AMMECR1: variants seen among roughly 807,000 people sequenced by gnomAD.
AMMECR1 encodes the protein nuclear protein AMMECR1.
AMMECR1 carries 3 observed loss-of-function variants against 22.5 expected under a neutral mutation model. The ratio of observed to expected loss-of-function variants is 0.13; its 90% CI spans 0.06 to 0.35. The LOEUF is 0.35. AMMECR1 is among the 10% of genes least tolerant of loss of function. The pLI, the probability that AMMECR1 is intolerant of heterozygous loss-of-function variation, is 1.00. For synonymous variants in AMMECR1, 130 were observed against 116.7 expected, an observed-to-expected ratio of 1.11 and a Z score of -0.74; for missense variants, 235 against 278.7, an observed-to-expected ratio of 0.84 and a Z score of 1.12.
At chrX:110,280,673 A>C (rs1252858910) in intron 1 of AMMECR1, among the ~76,000 whole-genome samples, 1 of 112,026 alleles carries the variant, frequency 8.9e-6, no homozygotes, top group Non-Finnish European at 1.9e-5. Flanking sequence ...TACCCAAAGA[A>C]AATGAAAATG....
At chrX:110,299,909 T>C (rs1872860369) in intron 1 of AMMECR1, among the ~76,000 whole-genome samples, 1 of 112,356 alleles carries the variant, frequency 8.9e-6, no homozygotes, top group African/African-American at 3.2e-5. Flanking sequence ...TTCCATTGTG[T>C]ATATTTCTTT....
At chrX:110,395,010 C>A (rs1051125018) in intron 2 of AMMECR1, among the ~76,000 whole-genome samples, 1 of 112,600 alleles carries the variant, frequency 8.9e-6, no homozygotes, top group African/African-American at 3.2e-5. Context: ...TGTTACAGGG[C>A]CAAAGAACCT....
At chrX:110,393,148 A>T (rs1450851193) in intron 2 of AMMECR1, among the ~76,000 whole-genome samples, 2 of 111,291 alleles carry the variant, frequency 1.8e-5, no homozygotes, top group African/African-American at 6.5e-5. Flanking sequence ...AACTTAAGAG[A>T]GCTGATTGTG....
chrX:110,329,669 G>A (rs1293659914), intron 2 of AMMECR1, among the ~76,000 whole-genome samples: 1 of 111,710 alleles, frequency 9.0e-6, no homozygotes, highest in East Asian at 2.8e-4. Context: ...ATAAGTGTAA[G>A]AAAATGATTG....
intron 2 of AMMECR1, among the ~76,000 whole-genome samples, chrX:110,251,902 C>T: frequency 9.0e-6 from 1 of 111,370 alleles, no homozygotes; most frequent in East Asian, 2.8e-4. Flanking sequence ...CTACATGTGT[C>T]CAAGAGAAAA....
intron 5 of AMMECR1, among the ~76,000 whole-genome samples, chrX:110,199,068 G>A (rs1189707203): frequency 1.8e-5 from 2 of 111,563 alleles, no homozygotes; most frequent in African/African-American, 6.5e-5. Context: ...CTGGTATCCT[G>A]AACTCTCACT....
At chrX:110,398,232 C>T (rs1354359021) in intron 2 of AMMECR1, among the ~76,000 whole-genome samples, 6 of 112,099 alleles carry the variant, frequency 5.4e-5, no homozygotes, top group African/African-American at 1.9e-4. Context: ...GCAGGTGAAC[C>T]CGCTGGCACC....
intron 2 of AMMECR1, among the ~76,000 whole-genome samples, chrX:110,425,346 CA>C (rs2068746055): frequency 8.9e-6 from 1 of 112,305 alleles, no homozygotes; most frequent in South Asian, 3.7e-4. Flanking sequence ...TTCACCTTCC[CA>C]CTCCGCAATT....
At chrX:110,438,373 A>G (rs888383408) in intron 1 of AMMECR1, among the ~76,000 whole-genome samples, 2 of 112,060 alleles carry the variant, frequency 1.8e-5, no homozygotes, top group Non-Finnish European at 3.8e-5. Flanking sequence ...CAAGGTGGAC[A>G]TAAAATTCAG....
chrX:110,216,750 G>T (rs2067475217), intron 2 of AMMECR1, 118 bp from the exon 3 acceptor site: 2 of 439,605 alleles, frequency 4.5e-6, no homozygotes, highest in African/African-American at 2.5e-5. Flanking sequence ...AGATGTCAAA[G>T]GTACCAACAA....
At chrX:110,325,190 G>A (rs1046884305) in intron 2 of AMMECR1, among the ~76,000 whole-genome samples, 1 of 111,727 alleles carries the variant, frequency 9.0e-6, no homozygotes, top group Non-Finnish European at 1.9e-5. Context: ...CATTCATAGT[G>A]TGTTTATGGA....
intron 2 of AMMECR1, among the ~76,000 whole-genome samples, chrX:110,245,876 A>G (rs753334460): frequency 9.0e-6 from 1 of 111,553 alleles, no homozygotes; most frequent in African/African-American, 3.3e-5. Context: ...ACTACAACCG[A>G]AACTTCACAA....
At position 110,285,912 on chromosome X, in the gene AMMECR1, T is replaced by C. The variant is rs965638244; in HGVS notation, c.474-21313A>G. Among the ~76,000 whole-genome samples the C allele has an allele frequency of 2.1e-4, 23 of 111,473 alleles. 1 individual carries two copies. The highest frequency in any genetic ancestry group is 5.7e-5 in the Non-Finnish European group (3 of 53,063). On this transcript the variant is annotated intron_variant, in intron 1 of 5. Coordinates refer to ENST00000262844, the MANE Select transcript of AMMECR1 (RefSeq NM_015365.3). The stretch of plus-strand genomic sequence containing the variant: ...AAGTAGCTTTGTGAGAGTATAAGGA[T>C]ACACAATTTGCTGGACTCCAGAGGC...
At chrX:110,238,393 T>A (rs1461747753) in intron 2 of AMMECR1, among the ~76,000 whole-genome samples, 2 of 111,530 alleles carry the variant, frequency 1.8e-5, no homozygotes, top group Non-Finnish European at 3.8e-5. Context: ...TCAAGCCGAG[T>A]AGGCGGTTTT....
intron 1 of AMMECR1, among the ~76,000 whole-genome samples, chrX:110,431,727 C>T (rs2068798139): frequency 1.8e-5 from 2 of 111,816 alleles, no homozygotes; most frequent in Admixed American, 1.9e-4. Context: ...ACAGCAGGCC[C>T]TTCTTTCTCA....
chrX:110,309,063 T>A (rs150394811), intron 1 of AMMECR1: 1 of 112,155 alleles, frequency 8.9e-6, no homozygotes, highest in South Asian at 3.7e-4. Context: ...TATAATTTAT[T>A]TGCACCCCAA....
intron 1 of AMMECR1, among the ~76,000 whole-genome samples, chrX:110,277,472 A>G (rs190985345): frequency 2.7e-3 from 301 of 110,941 alleles, no homozygotes; most frequent in Middle Eastern, 4.6e-3. Flanking sequence ...AATGTAAATG[A>G]CAAGTTAATG....
chrX:110,435,667 T>C lies in AMMECR1; in HGVS notation c.-294+4223A>G, dbSNP rs192787809. ...CCAGAAATATTTATCTAGAATGGCC[T>C]TGGTCTCTGACACCTTGAGGACTTC... On this transcript the variant is annotated intron_variant, in intron 1 of 7. Transcript: ENST00000372057. Among the ~76,000 whole-genome samples the C allele has an allele frequency of 5.4e-3, 605 of 112,015 alleles. 3 individuals are homozygous for C. The highest frequency in any genetic ancestry group is 0.018 in the African/African-American group (554 of 30,821).
chrX:110,230,720 C>T (rs183052264), intron 2 of AMMECR1, among the ~76,000 whole-genome samples: 2 of 111,759 alleles, frequency 1.8e-5, no homozygotes, highest in African/African-American at 6.5e-5. Context: ...AGGTCGGTAA[C>T]AACAAACTTC....
Sources: allele counts gnomAD v4.1 joint callset (sites outside exome capture counted in the v4.1 genomes callset), GRCh38; gene constraint gnomAD v4.1.1; transcripts MANE v1.5; gene names NCBI Gene and HGNC (gene_info 2026-07-23, HGNC 2026-07-21).